Variants in KIAA1671 observed in about 807,000 individuals in gnomAD.
KIAA1671 encodes uncharacterized protein KIAA1671.
KIAA1671 carries 52 observed loss-of-function variants against 131.2 expected under a neutral mutation model. The ratio of observed to expected loss-of-function variants is 0.40; its 90% CI spans 0.32 to 0.50. KIAA1671 has a LOEUF of 0.50. Ranked by LOEUF, KIAA1671 falls within the 20% of genes least tolerant of loss-of-function variation. The probability of loss-of-function intolerance (pLI) is 0.73; values close to 1 mark genes in which losing one functional copy is unlikely to be tolerated. For missense variants in KIAA1671, 2,360 were observed against 2,364.2 expected, an observed-to-expected ratio of 1.00 and a Z score of 0.04; for synonymous variants, 1,003 against 961.6, an observed-to-expected ratio of 1.04 and a Z score of -0.80.
Position 25,177,520 on chromosome 22 carries a change from C to T in KIAA1671, c.5072C>T (p.Thr1691Met), listed in dbSNP as rs766430033. The T allele has an allele frequency of 9.0e-6, 14 of 1,549,774 alleles. No individual in the cohort carries two copies. Among genetic ancestry groups the T allele is most frequent in the South Asian group, 7.1e-5 (6 of 83,972 alleles). Residue 1691 changes from threonine to methionine, a missense_variant and splice_region_variant, in exon 9 of 13, where the codon ACG becomes ATG. Transcript: ENST00000358431. ...AACACGTGGATGTTCAAAGACTCAA[C>T]GGGTATGCCATGACTTCTCTCCTCC... is the stretch of plus-strand genomic sequence containing the variant. ...TDNTWMFKDSTEEKSPRKEES... is the reference protein window; with the variant it reads ...TDNTWMFKDSMEEKSPRKEES...
intron 6 of KIAA1671, among the ~76,000 whole-genome samples, chr22:25,105,822 G>T (rs996301593): frequency 2.7e-5 from 2 of 75,016 alleles, no homozygotes; most frequent in East Asian, 6.4e-4. Context: ...ATGAAGTTGG[G>T]GGGGGGGGGT....
At chr22:25,186,622 GAGA>G (rs898491568) in intron 11 of KIAA1671, among the ~76,000 whole-genome samples, 5 of 152,182 alleles carry the variant, frequency 3.3e-5, no homozygotes, top group African/African-American at 1.2e-4. Flanking sequence ...AAGCTTCCAA[GAGA>G]AGGAGATACT....
At chr22:25,165,241 A>G (rs765262131) in intron 6 of KIAA1671, among the ~76,000 whole-genome samples, 10 of 152,186 alleles carry the variant, frequency 6.6e-5, no homozygotes, top group Non-Finnish European at 1.3e-4. Context: ...ATGACTCCAA[A>G]TTTGACAGTC....
In KIAA1671 at chr22:25,036,884, A is replaced by G. The variant is rs965973604; in HGVS notation, c.1630-1876A>G. On this transcript the variant is annotated intron_variant, in intron 4 of 12. Transcript: ENST00000358431. The stretch of plus-strand genomic sequence containing the variant: ...GATTGCGGTGAGCCGAGATCGCGCC[A>G]TTGTACTCCAGCCTGGGTGACAAGA... 2.0e-3 allele frequency among the ~76,000 whole-genome samples: 297 copies of G among 152,224 alleles called. 2 individuals are homozygous for G. Among genetic ancestry groups the G allele is most frequent in the African/African-American group, 6.7e-3 (280 of 41,532 alleles).
At chr22:25,048,200 A>C (rs1443826220) in intron 5 of KIAA1671, among the ~76,000 whole-genome samples, 5 of 152,208 alleles carry the variant, frequency 3.3e-5, no homozygotes, top group Non-Finnish European at 7.3e-5. Context: ...CGTGGATCTG[A>C]GATGAGTGTG....
chr22:25,049,043 G>A (rs1927392052), intron 5 of KIAA1671, 187 bp from the exon 6 acceptor site: 1 of 659,482 alleles, frequency 1.5e-6, no homozygotes, highest in East Asian at 2.8e-5. Context: ...AATGGCTGAG[G>A]CTGGGCCACT....
At chr22:25,099,714 C>T (rs1930570646) in intron 6 of KIAA1671, among the ~76,000 whole-genome samples, 1 of 151,978 alleles carries the variant, frequency 6.6e-6, no homozygotes, top group African/African-American at 2.4e-5. Context: ...GGGGTTTCAC[C>T]ATGTTGGTCA....
At chr22:24,988,613 G>A (rs778549427) in intron 1 of KIAA1671, among the ~76,000 whole-genome samples, 25 of 151,620 alleles carry the variant, frequency 1.6e-4, no homozygotes, top group Non-Finnish European at 3.1e-4. Context: ...GCTAGTGCCT[G>A]TAATCCCAGC....
At chr22:25,147,069 G>A (rs1932892314) in intron 6 of KIAA1671, among the ~76,000 whole-genome samples, 1 of 152,174 alleles carries the variant, frequency 6.6e-6, no homozygotes, top group South Asian at 2.1e-4. Flanking sequence ...GAGGGAGGGT[G>A]AGGGATGCTC....
chr22:25,038,798 G>C lies in KIAA1671; in HGVS notation c.1668G>C (p.Pro556=), dbSNP rs1039052915. Reference sequence around the variant, plus strand: ...ACAGTTTGGATGGAGCATGCATCCCGAGAAGCCCCTGGAAGCCTGGGACAC... The same window carrying C: ...ACAGTTTGGATGGAGCATGCATCCCCAGAAGCCCCTGGAAGCCTGGGACAC... The part of the protein sequence containing the change: ...EGHSLDGACI[P]RSPWKPGTLR... The change falls in exon 5 of 13, where the codon CCG becomes CCC. Residue 556 remains proline (P), a synonymous_variant. Coordinates refer to ENST00000358431, the MANE Select transcript of KIAA1671 (RefSeq NM_001145206.2). The C allele has an allele frequency of 1.9e-6, 3 of 1,550,040 alleles. No homozygotes were observed. The highest frequency in any genetic ancestry group is 4.9e-5 in the East Asian group (2 of 40,854).
intron 1 of KIAA1671, among the ~76,000 whole-genome samples, chr22:24,968,782 G>A (rs1176179906): frequency 9.2e-5 from 14 of 152,188 alleles, no homozygotes; most frequent in Non-Finnish European, 5.9e-5. Flanking sequence ...TCCACACCAT[G>A]CATGTGTTGG....
intron 1 of KIAA1671, among the ~76,000 whole-genome samples, chr22:25,003,692 G>A (rs1467176071): frequency 1.3e-5 from 2 of 151,982 alleles, no homozygotes; most frequent in African/African-American, 2.4e-5. Flanking sequence ...GATTACAGGC[G>A]TGAACCACTG....
intron 1 of KIAA1671, chr22:25,024,704 C>G (rs1925841451): frequency 6.6e-6 from 1 of 152,158 alleles, no homozygotes; most frequent in South Asian, 2.1e-4. Context: ...CTTATTAACT[C>G]AGCAATGATT....
chr22:25,032,442 A>G (rs1484276058), intron 3 of KIAA1671, among the ~76,000 whole-genome samples, 167 bp from the exon 4 acceptor site: 2 of 152,176 alleles, frequency 1.3e-5, no homozygotes, highest in Admixed American at 6.5e-5. Context: ...CACCCCAGTA[A>G]TGCTGTGTTT....
intron 6 of KIAA1671, among the ~76,000 whole-genome samples, chr22:25,132,072 G>T (rs1483662489): frequency 6.6e-6 from 1 of 152,200 alleles, no homozygotes; most frequent in East Asian, 1.9e-4. Context: ...ATTGATTGAA[G>T]TCACACTTTT....
Position 25,145,479 on chromosome 22 carries a change from G to T in KIAA1671, c.4531-25341G>T, listed in dbSNP as rs143787244. ...CATGGTGTAGGAACATTTGGGATTG[G>T]GGAAGACTGGGCCTGGTGATCCCCA... On this transcript the variant is annotated intron_variant, in intron 6 of 12. Coordinates refer to ENST00000358431, the MANE Select transcript of KIAA1671 (RefSeq NM_001145206.2). Among the ~76,000 whole-genome samples the T allele has an allele frequency of 8.4e-3, 1,284 of 152,320 alleles. 11 individuals are homozygous for T. The highest frequency in any genetic ancestry group is 0.02 in the Middle Eastern group (6 of 294).
intron 10 of KIAA1671, 46 bp downstream of exon 10, chr22:25,181,869 A>G: frequency 1.3e-6 from 2 of 1,540,338 alleles, no homozygotes; most frequent in African/African-American, 1.4e-5. Context: ...ATGATCCTCA[A>G]CCTTAGCAGT....
At position 25,015,786 on chromosome 22, in the gene KIAA1671, C is replaced by T. The variant is rs1041377127; in HGVS notation, c.-207-9847C>T. On this transcript the variant is annotated intron_variant, in intron 1 of 12. Transcript: ENST00000358431. The stretch of plus-strand genomic sequence containing the variant: ...CCAGGGGAAGTTTGGGGAAGGCCAT[C>T]TCAAGCTGTTCCCCTGGATCCCAGA... 3.4e-4 allele frequency among the ~76,000 whole-genome samples: 51 copies of T among 152,138 alleles called. 1 individual carries two copies. The highest frequency in any genetic ancestry group is 1.2e-3 in the African/African-American group (50 of 41,416).
intron 6 of KIAA1671, among the ~76,000 whole-genome samples, chr22:25,112,848 C>T (rs901682843): frequency 1.3e-5 from 2 of 152,144 alleles, no homozygotes; most frequent in Admixed American, 1.3e-4. Flanking sequence ...TCCTAGGAAG[C>T]ACAAGTGGCG....
Sources: allele counts gnomAD v4.1 joint callset (sites outside exome capture counted in the v4.1 genomes callset), GRCh38; gene constraint gnomAD v4.1.1; transcripts MANE v1.5; gene names NCBI Gene and HGNC (gene_info 2026-07-23, HGNC 2026-07-21).